The following DAB1 variants were observed in gnomAD, a reference collection of about 807,000 sequenced individuals.
DAB1 encodes DAB adaptor protein 1, also known as disabled homolog 1.
In DAB1, 15 loss-of-function variants were observed where a neutral mutation model predicts 64.6. That is an observed-to-expected ratio of 0.23 (90% CI 0.16 to 0.36). The LOEUF (loss-of-function observed/expected upper bound fraction) is 0.36. Ranked by LOEUF, DAB1 falls within the 10% of genes least tolerant of loss-of-function variation. DAB1 has a pLI of 1.00. For synonymous variants in DAB1, 235 were observed against 251.9 expected (o/e 0.93, Z 0.64); for missense variants, 596 against 706.7 (o/e 0.84, Z 1.78).
chr1:57,967,266 C>T (rs541210937), intron 5 of DAB1, among the ~76,000 whole-genome samples: 36 of 152,220 alleles, frequency 2.4e-4, no homozygotes, highest in African/African-American at 8.2e-4. Flanking sequence ...AAAGCCTTTC[C>T]TTATGGGTAG....
intron 7 of DAB1, among the ~76,000 whole-genome samples, chr1:57,615,258 G>A (rs188972189): frequency 3.3e-5 from 5 of 152,234 alleles, no homozygotes; most frequent in Middle Eastern, 3.4e-3. Context: ...TTGCTGTTTC[G>A]TGTCCACATG....
chr1:58,150,434 G>C (rs1654854115), intron 5 of DAB1: 2 of 152,078 alleles, frequency 1.3e-5, no homozygotes, highest in African/African-American at 4.8e-5. Context: ...CTCCCCACCT[G>C]ATAAGTACTT....
intron 4 of DAB1, among the ~76,000 whole-genome samples, chr1:58,206,342 G>T (rs1289294705): frequency 1.3e-5 from 2 of 152,284 alleles, no homozygotes; most frequent in East Asian, 1.9e-4. Context: ...AATGAGTTTT[G>T]TCTGTCCTTT....
chr1:57,919,757 T>C (rs1644782126), intron 5 of DAB1, among the ~76,000 whole-genome samples: 1 of 152,230 alleles, frequency 6.6e-6, no homozygotes, highest in Non-Finnish European at 1.5e-5. Flanking sequence ...GGTGAGTTTA[T>C]GGACAAAGCT....
chr1:58,033,693 T>C (rs1647002777), intron 5 of DAB1, among the ~76,000 whole-genome samples: 1 of 152,244 alleles, frequency 6.6e-6, no homozygotes, highest in African/African-American at 2.4e-5. Context: ...AAATATTTGT[T>C]GAGTAGATTA....
intron 6 of DAB1, among the ~76,000 whole-genome samples, chr1:57,709,101 T>G (rs1646998741): frequency 6.6e-6 from 1 of 152,166 alleles, no homozygotes; most frequent in Non-Finnish European, 1.5e-5. Context: ...CTATTCTCTT[T>G]TCCTGAAAAA....
chr1:58,490,074 A>C (rs995343621), intron 3 of DAB1, among the ~76,000 whole-genome samples: 1 of 152,250 alleles, frequency 6.6e-6, no homozygotes, highest in African/African-American at 2.4e-5. Flanking sequence ...CACCAGCAAC[A>C]GAACAAAGCT....
chr1:57,071,232 C>T (rs1009643778), intron 6 of DAB1, 171 bp from the exon 7 acceptor site: 5 of 672,730 alleles, frequency 7.4e-6, no homozygotes, highest in African/African-American at 5.5e-5. Flanking sequence ...AGAGCCACTC[C>T]CACCTCCACC....
At chr1:58,143,895 A>G (rs1015065014) in intron 5 of DAB1, among the ~76,000 whole-genome samples, 5 of 152,190 alleles carry the variant, frequency 3.3e-5, no homozygotes, top group African/African-American at 1.2e-4. Flanking sequence ...ATTTTTTCAC[A>G]CAACCAGATT....
chr1:58,270,421 T>C (rs1309238186), intron 4 of DAB1, among the ~76,000 whole-genome samples: 2 of 89,336 alleles, frequency 2.2e-5, no homozygotes, highest in South Asian at 1.2e-3. Context: ...TTTTGGTTAC[T>C]GTAGCCTTGT....
At chr1:58,305,921 G>A (rs1662296827) in intron 4 of DAB1, among the ~76,000 whole-genome samples, 1 of 152,202 alleles carries the variant, frequency 6.6e-6, no homozygotes, top group Non-Finnish European at 1.5e-5. Context: ...GCTTCACAAT[G>A]AGGGTCTTTC....
chr1:58,451,399 C>T (rs1645135471), intron 3 of DAB1, among the ~76,000 whole-genome samples: 1 of 152,174 alleles, frequency 6.6e-6, no homozygotes. Context: ...ATCCCTGACA[C>T]ATGATAACTA....
intron 6 of DAB1, among the ~76,000 whole-genome samples, chr1:57,753,255 G>A (rs1273033193): frequency 6.6e-6 from 1 of 152,142 alleles, no homozygotes; most frequent in African/African-American, 2.4e-5. Flanking sequence ...TCATTTATAG[G>A]GGTCGAAGCG....
rs540609579 is a variant in DAB1 at position 58,297,588 on chromosome 1, G to A, written n.309+45764C>T. Among the ~76,000 whole-genome samples, 8 of 152,206 alleles carry A rather than the reference G, an allele frequency of 5.3e-5. No individual in the cohort carries two copies. In the East Asian group the frequency reaches 1.5e-3, roughly 29 times the overall value. The stretch of plus-strand genomic sequence containing the variant: ...GGTTCAGGAGACACAGGGAATAAAG[G>A]GAATGGGACAGACATATCTAGTGGA... On this transcript the variant is annotated intron_variant and non_coding_transcript_variant, in intron 4 of 20. Coordinates refer to the DAB1 transcript ENST00000485760.
chr1:57,232,284 C>CTTTTTTTTTTT (rs74940041), intron 2 of DAB1, among the ~76,000 whole-genome samples: 2 of 81,734 alleles, frequency 2.4e-5, no homozygotes, highest in Non-Finnish European at 4.4e-5. Context: ...GCAGTGGCCA[C>CTTTTTTTTTTT]TTTTTTTTTT....
chr1:57,482,626 C>T (rs1252433682), intron 7 of DAB1, among the ~76,000 whole-genome samples: 1 of 151,770 alleles, frequency 6.6e-6, no homozygotes, highest in Non-Finnish European at 1.5e-5. Flanking sequence ...GCTTTTTATT[C>T]ACAAATTTCA....
At chr1:58,204,892 C>T (rs973566217) in intron 4 of DAB1, among the ~76,000 whole-genome samples, 2 of 152,096 alleles carry the variant, frequency 1.3e-5, no homozygotes, top group African/African-American at 4.8e-5. Flanking sequence ...ACTAAGAGTT[C>T]CTATGAACCA....
At chr1:58,488,614 G>C (rs1035991971) in intron 3 of DAB1, among the ~76,000 whole-genome samples, 2 of 151,822 alleles carry the variant, frequency 1.3e-5, no homozygotes, top group African/African-American at 2.4e-5. Flanking sequence ...ACCATGTCTC[G>C]CTAATTTTTG....
intron 1 of DAB1, among the ~76,000 whole-genome samples, chr1:57,382,980 T>C (rs1417910284): frequency 6.6e-6 from 1 of 151,848 alleles, no homozygotes; most frequent in African/African-American, 2.4e-5. Context: ...GGGCAGACTA[T>C]AAACAATAAA....
Sources: allele counts gnomAD v4.1 joint callset (sites outside exome capture counted in the v4.1 genomes callset), GRCh38; gene constraint gnomAD v4.1.1; transcripts MANE v1.5; gene names NCBI Gene and HGNC (gene_info 2026-07-23, HGNC 2026-07-21).